Variants in GRID1 observed in about 807,000 individuals in gnomAD.
GRID1 encodes the protein glutamate ionotropic receptor delta type subunit 1, also known as glutamate receptor ionotropic, delta-1.
A neutral mutation model predicts 98.0 loss-of-function variants in GRID1; 28 were observed. That is an observed-to-expected ratio of 0.29 (90% confidence interval 0.21 to 0.39). The LOEUF (loss-of-function observed/expected upper bound fraction) is 0.39, where lower values mean the gene tolerates loss of function less well. Among genes scored for constraint, GRID1 ranks in the 10% least tolerant of loss-of-function variants. The pLI, the probability that GRID1 is intolerant of heterozygous loss-of-function variation, is 1.00. For synonymous variants in GRID1, 553 were observed against 538.5 expected (o/e 1.03, Z -0.37); for missense variants, 1,111 against 1,340.5 (o/e 0.83, Z 2.67).
intron 3 of GRID1, among the ~76,000 whole-genome samples, chr10:86,172,492 C>G (rs1845507863): frequency 6.6e-6 from 1 of 152,140 alleles, no homozygotes; most frequent in South Asian, 2.1e-4. Flanking sequence ...CCTCCAGAGC[C>G]CACACTTAAG....
intron 4 of GRID1, among the ~76,000 whole-genome samples, chr10:86,062,890 C>T (rs924888587): frequency 3.3e-5 from 5 of 152,240 alleles, no homozygotes; most frequent in Non-Finnish European, 5.9e-5. Context: ...CCAAAGCTTT[C>T]CCTCACTATC....
At chr10:85,968,935 T>C (rs1589317971) in intron 4 of GRID1, among the ~76,000 whole-genome samples, 2 of 152,270 alleles carry the variant, frequency 1.3e-5, no homozygotes, top group African/African-American at 4.8e-5. Flanking sequence ...CAACCAGATG[T>C]AATCTACAAA....
intron 5 of GRID1, among the ~76,000 whole-genome samples, chr10:85,887,487 T>C (rs766933743): frequency 6.6e-6 from 1 of 152,178 alleles, no homozygotes; most frequent in Non-Finnish European, 1.5e-5. Flanking sequence ...ATCAGCATCA[T>C]CTCAGAGCTT....
At chr10:86,355,866 G>A (rs1412975755) in intron 2 of GRID1, among the ~76,000 whole-genome samples, 2 of 152,252 alleles carry the variant, frequency 1.3e-5, no homozygotes, top group South Asian at 2.1e-4. Flanking sequence ...ATTAGCAGGA[G>A]AGGGCTGCCA....
chr10:85,669,966 C>T (rs772055807), intron 12 of GRID1, among the ~76,000 whole-genome samples: 1 of 152,146 alleles, frequency 6.6e-6, no homozygotes, highest in Non-Finnish European at 1.5e-5. Flanking sequence ...CACTGACACA[C>T]CTGCATCATA....
At chr10:85,879,004 A>C (rs1393907814) in intron 5 of GRID1, among the ~76,000 whole-genome samples, 1 of 151,516 alleles carries the variant, frequency 6.6e-6, no homozygotes. Flanking sequence ...TAAACCAACA[A>C]AGATCAAAAG....
chr10:86,304,822 G>A (rs550293357), intron 2 of GRID1, among the ~76,000 whole-genome samples: 5 of 152,296 alleles, frequency 3.3e-5, no homozygotes, highest in East Asian at 1.9e-4. Context: ...AAAGCCACAC[G>A]CTTTCCATGG....
At chr10:86,297,825 C>A (rs1273060288) in intron 2 of GRID1, among the ~76,000 whole-genome samples, 1 of 152,204 alleles carries the variant, frequency 6.6e-6, no homozygotes, top group Non-Finnish European at 1.5e-5. Flanking sequence ...GTGCTGTTAG[C>A]AAACACAGGA....
At chr10:85,821,019 G>T (rs1842764888) in intron 8 of GRID1, among the ~76,000 whole-genome samples, 1 of 151,982 alleles carries the variant, frequency 6.6e-6, no homozygotes, top group South Asian at 2.1e-4. Flanking sequence ...CAATGCAAAT[G>T]CTCATCAACG....
At chr10:85,721,560 C>T (rs755664865) in intron 12 of GRID1, among the ~76,000 whole-genome samples, 1 of 152,032 alleles carries the variant, frequency 6.6e-6, no homozygotes, top group African/African-American at 2.4e-5. Context: ...AAAACGTGGA[C>T]GAATCTCTAA....
chr10:86,024,367 T>A (rs1352925094), intron 4 of GRID1, among the ~76,000 whole-genome samples: 1 of 152,112 alleles, frequency 6.6e-6, no homozygotes, highest in Non-Finnish European at 1.5e-5. Flanking sequence ...GCAATCACGG[T>A]GTGTAGGATA....
chr10:85,671,061 A>G (rs910778276), intron 12 of GRID1, among the ~76,000 whole-genome samples: 1 of 152,150 alleles, frequency 6.6e-6, no homozygotes, highest in African/African-American at 2.4e-5. Flanking sequence ...TCCCCCAAAT[A>G]TAAAGTCTTA....
At chr10:86,070,465 G>A (rs1157405454) in intron 4 of GRID1, among the ~76,000 whole-genome samples, 1 of 152,138 alleles carries the variant, frequency 6.6e-6, no homozygotes, top group Non-Finnish European at 1.5e-5. Flanking sequence ...GCCCTGACCA[G>A]GCTGGGATGG....
chr10:86,217,453 C>T (rs544852613), intron 2 of GRID1, among the ~76,000 whole-genome samples: 1 of 152,330 alleles, frequency 6.6e-6, no homozygotes, highest in Admixed American at 6.5e-5. Flanking sequence ...ACAGCCCTCT[C>T]ATATGGGATC....
intron 4 of GRID1, among the ~76,000 whole-genome samples, chr10:85,937,287 C>T (rs1328071832): frequency 1.3e-5 from 2 of 152,190 alleles, no homozygotes; most frequent in African/African-American, 4.8e-5. Flanking sequence ...CCCAGTCTAA[C>T]GTGAAACACA....
At chr10:85,688,020 T>C (rs1564559909) in intron 12 of GRID1, among the ~76,000 whole-genome samples, 1 of 152,196 alleles carries the variant, frequency 6.6e-6, no homozygotes, top group Non-Finnish European at 1.5e-5. Context: ...GATTGTTCAG[T>C]CTATTAAGTC....
intron 8 of GRID1, among the ~76,000 whole-genome samples, chr10:85,774,075 T>C (rs1389998975): frequency 1.3e-5 from 2 of 152,148 alleles, no homozygotes; most frequent in Non-Finnish European, 2.9e-5. Flanking sequence ...CTTCAAACTA[T>C]ACTACAAGGC....
At chr10:85,941,263 G>A (rs1250814480) in intron 4 of GRID1, among the ~76,000 whole-genome samples, 1 of 152,096 alleles carries the variant, frequency 6.6e-6, no homozygotes, top group Non-Finnish European at 1.5e-5. Flanking sequence ...CACAGAGCCT[G>A]AACCTTTTAA....
At chr10:86,282,142 T>C (rs899211603) in intron 2 of GRID1, among the ~76,000 whole-genome samples, 4 of 152,196 alleles carry the variant, frequency 2.6e-5, no homozygotes, top group Non-Finnish European at 5.9e-5. Context: ...CTTGCATGGC[T>C]ACTGGAAGAA....
Sources: allele counts gnomAD v4.1 joint callset (sites outside exome capture counted in the v4.1 genomes callset), GRCh38; gene constraint gnomAD v4.1.1; transcripts MANE v1.5; gene names NCBI Gene and HGNC (gene_info 2026-07-23, HGNC 2026-07-21).